The following SIDT1 variants were observed in gnomAD, a reference collection of about 807,000 sequenced individuals.
The protein encoded by SIDT1 is SID1 transmembrane family, member 1.
In SIDT1, 101 loss-of-function variants were observed where a neutral mutation model predicts 107.5. The ratio of observed to expected loss-of-function variants is 0.94; its 90% CI spans 0.80 to 1.11. The LOEUF (loss-of-function observed/expected upper bound fraction) is 1.11, where lower values mean the gene tolerates loss of function less well. Ranked by LOEUF, SIDT1 falls within the 50% of genes least tolerant of loss-of-function variation. The probability of loss-of-function intolerance (pLI) is 0.00; values close to 1 mark genes in which losing one functional copy is unlikely to be tolerated. For missense variants in SIDT1, 1,076 were observed against 1,058.2 expected, an observed-to-expected ratio of 1.02 and a Z score of -0.23; for synonymous variants, 395 against 398.2, an observed-to-expected ratio of 0.99 and a Z score of 0.10.
At chr3:113,542,018 G>A (rs1344762327) in intron 1 of SIDT1, among the ~76,000 whole-genome samples, 1 of 151,140 alleles carries the variant, frequency 6.6e-6, no homozygotes, top group Admixed American at 6.6e-5. Context: ...CTGCCTCCCA[G>A]GTTCAAGCAA....
the SIDT1 span, among the ~76,000 whole-genome samples, chr3:113,634,753 G>A: frequency 2.6e-5 from 4 of 152,172 alleles, no homozygotes; most frequent in Admixed American, 2.0e-4. Flanking sequence ...GCAATCAGCT[G>A]AGATAGCACC....
chr3:113,594,147 C>A (rs964138613), intron 10 of SIDT1, among the ~76,000 whole-genome samples: 1 of 152,192 alleles, frequency 6.6e-6, no homozygotes, highest in African/African-American at 2.4e-5. Flanking sequence ...CCCTACCCCC[C>A]TCCAGCAGGA....
At chr3:113,573,893 A>C (rs538556592) in intron 3 of SIDT1, among the ~76,000 whole-genome samples, 1 of 152,316 alleles carries the variant, frequency 6.6e-6, no homozygotes, top group African/African-American at 2.4e-5. Flanking sequence ...CTAAGACAGG[A>C]GGTGACTCTT....
chr3:113,559,290 C>A (rs1039582996), intron 1 of SIDT1, among the ~76,000 whole-genome samples: 14 of 152,364 alleles, frequency 9.2e-5, no homozygotes, highest in African/African-American at 3.4e-4. Context: ...ATTGCACCAA[C>A]TAACATTTTC....
At chr3:113,567,886 A>G (rs112301031) in intron 3 of SIDT1, 176 bp downstream of exon 3, 45 of 595,452 alleles carry the variant, frequency 7.6e-5, no homozygotes, top group African/African-American at 6.4e-4. Context: ...AATCTATACA[A>G]AAGAGTGGGA....
chr3:113,604,178 C>G (rs1035684657), intron 13 of SIDT1, 145 bp downstream of exon 13: 2 of 576,530 alleles, frequency 3.5e-6, no homozygotes, highest in Non-Finnish European at 6.0e-6. Flanking sequence ...ATCAGTAGAC[C>G]TGCAATGGCC....
In SIDT1 at chr3:113,555,791, A is replaced by G. The variant is rs548862068; in HGVS notation, c.223-10629A>G. 5.3e-5 allele frequency among the ~76,000 whole-genome samples: 8 copies of G among 152,162 alleles called. No individual in the cohort carries two copies. In the South Asian group the frequency reaches 8.3e-4, roughly 16 times the overall value. On this transcript the variant is annotated intron_variant, in intron 1 of 24. Coordinates refer to ENST00000264852, the MANE Select transcript of SIDT1 (RefSeq NM_017699.3). ...TGAGATGAATGAGCTCTTCCAGGCT[A>G]GCTGGAAGCCAGGCTGTGAAAAGAA... is the stretch of plus-strand genomic sequence containing the variant.
intron 21 of SIDT1, among the ~76,000 whole-genome samples, chr3:113,621,113 C>A (rs576846322): frequency 6.6e-6 from 1 of 152,004 alleles, no homozygotes; most frequent in Non-Finnish European, 1.5e-5. Context: ...TTCGTATGGT[C>A]CTGAGTTATA....
At chr3:113,540,994 A>ATCATATTCTG (rs1938770555) in intron 1 of SIDT1, among the ~76,000 whole-genome samples, 1 of 152,110 alleles carries the variant, frequency 6.6e-6, no homozygotes, top group Non-Finnish European at 1.5e-5. Context: ...AACTTATTCT[A>ATCATATTCTG]TCAGATATTC....
intron 4 of SIDT1, among the ~76,000 whole-genome samples, chr3:113,578,251 G>A (rs973597762): frequency 6.6e-6 from 1 of 151,598 alleles, no homozygotes; most frequent in Non-Finnish European, 1.5e-5. Context: ...AGATCACGAG[G>A]TCAGGAGATC....
chr3:113,559,938 A>C (rs771297455), intron 1 of SIDT1, among the ~76,000 whole-genome samples: 2 of 152,188 alleles, frequency 1.3e-5, no homozygotes, highest in Non-Finnish European at 2.9e-5. Context: ...ATAGTAGAAT[A>C]ATAGATGATC....
chr3:113,551,417 T>C (rs1272307333), intron 1 of SIDT1, among the ~76,000 whole-genome samples: 1 of 152,230 alleles, frequency 6.6e-6, no homozygotes, highest in East Asian at 1.9e-4. Context: ...AATCATGTAC[T>C]AGTTTGAAGC....
At chr3:113,540,764 G>T (rs558092553) in intron 1 of SIDT1, among the ~76,000 whole-genome samples, 1 of 152,000 alleles carries the variant, frequency 6.6e-6, no homozygotes, top group South Asian at 2.1e-4. Context: ...AAAATAAATT[G>T]TTTTTTTAAA....
intron 1 of SIDT1, among the ~76,000 whole-genome samples, chr3:113,559,505 A>G (rs550118098): frequency 9.2e-5 from 14 of 151,726 alleles, no homozygotes; most frequent in African/African-American, 3.4e-4. Context: ...GTAGTGGCCC[A>G]ATCTGGGCTC....
chr3:113,551,735 A>G (rs554249602), intron 1 of SIDT1, among the ~76,000 whole-genome samples: 2 of 151,932 alleles, frequency 1.3e-5, no homozygotes, highest in East Asian at 3.9e-4. Flanking sequence ...AAGTTGTCAA[A>G]TTTTCTTTAG....
chr3:113,590,281 CA>C, intron 9 of SIDT1: 1 of 152,302 alleles, frequency 6.6e-6, no homozygotes, highest in South Asian at 2.1e-4. Flanking sequence ...ACCAAACATA[CA>C]AAATCAGGAT....
At chr3:113,633,523 T>A (rs1947106489), downstream of SIDT1, among the ~76,000 whole-genome samples, 1 of 152,152 alleles carries the variant, frequency 6.6e-6, no homozygotes, top group Non-Finnish European at 1.5e-5. Context: ...AGGGAACAGG[T>A]ATGATTTTAG....
intron 3 of SIDT1, among the ~76,000 whole-genome samples, chr3:113,574,519 C>G (rs1210818180): frequency 6.6e-6 from 1 of 152,138 alleles, no homozygotes; most frequent in South Asian, 2.1e-4. Context: ...CTGGTGCTCA[C>G]CTCAAAAACT....
chr3:113,537,212 A>G (rs769696931), intron 1 of SIDT1, among the ~76,000 whole-genome samples: 3 of 152,158 alleles, frequency 2.0e-5, no homozygotes, highest in Non-Finnish European at 4.4e-5. Context: ...TATTTCTTTT[A>G]TCTCATTTAT....
Sources: gnomAD v4.1 joint callset for allele counts (sites outside exome capture counted in the v4.1 genomes callset) on GRCh38, gnomAD v4.1.1 for gene constraint, MANE v1.5 for transcripts, NCBI Gene and HGNC (gene_info 2026-07-23, HGNC 2026-07-21) for gene names.